Variants in VLDLR observed in about 807,000 individuals in gnomAD.
VLDLR encodes the protein very low density lipoprotein receptor.
VLDLR carries 81 observed loss-of-function variants against 112.7 expected under a neutral mutation model. The ratio of observed to expected loss-of-function variants is 0.72; its 90% CI spans 0.60 to 0.86. VLDLR has a LOEUF of 0.86. Among genes scored for constraint, VLDLR ranks in the 40% least tolerant of loss-of-function variants. VLDLR has a pLI of 0.00. For missense variants in VLDLR, 1,237 were observed against 1,099.4 expected, an observed-to-expected ratio of 1.13 and a Z score of -1.77; for synonymous variants, 436 against 384.8, an observed-to-expected ratio of 1.13 and a Z score of -1.56.
chr9:2,630,134 C>T (rs1277039861), intron 1 of VLDLR, among the ~76,000 whole-genome samples: 1 of 152,138 alleles, frequency 6.6e-6, no homozygotes. Flanking sequence ...GACTTTAAGG[C>T]CAGAGCACAA....
chr9:2,649,168 A>T (rs551416915), intron 14 of VLDLR, among the ~76,000 whole-genome samples: 2 of 152,116 alleles, frequency 1.3e-5, no homozygotes, highest in Non-Finnish European at 2.9e-5. Context: ...GATTTTTGCA[A>T]TGAAGTACCA....
In VLDLR at chr9:2,622,105, T is replaced by G; in HGVS notation, c.-85T>G. On this transcript the variant is annotated 5_prime_UTR_variant, in exon 1 of 19. Coordinates refer to ENST00000382100, the MANE Select transcript of VLDLR (RefSeq NM_003383.5). Reference sequence around the variant, plus strand: ...TTTCCCCTCCCCGCCCCCACCTTCTTCCTCCTTTCGGAAGGACTGGTAACT... The same window carrying G: ...TTTCCCCTCCCCGCCCCCACCTTCTGCCTCCTTTCGGAAGGACTGGTAACT... 7.4e-7 allele frequency: 1 copy of G among 1,342,516 alleles called. No homozygotes were observed. The highest frequency in any genetic ancestry group is 9.9e-7 in the Non-Finnish European group (1 of 1,012,494). The allele number at this position is 1,342,516 out of a possible 1,614,324, so 83.2% of individuals were successfully genotyped here.
At chr9:2,646,254 C>T in intron 10 of VLDLR, 80 bp from the exon 11 acceptor site, 4 of 1,397,748 alleles carry the variant, frequency 2.9e-6, no homozygotes, top group Admixed American at 1.7e-5. Flanking sequence ...AGTCATTGAC[C>T]ATTTTGTAAG....
At chr9:2,643,603 T>C in intron 5 of VLDLR, 25 bp from the exon 6 acceptor site, 1 of 1,614,208 alleles carries the variant, frequency 6.2e-7, no homozygotes, top group Non-Finnish European at 8.5e-7. Flanking sequence ...CTGGCTTCAT[T>C]CCATGGTGTT....
Position 2,651,419 on chromosome 9 carries a change from T to C in VLDLR, c.2256T>C (p.Thr752=), listed in dbSNP as rs1471842621. The C allele has an allele frequency of 1.2e-6, 2 of 1,613,746 alleles. No homozygotes were observed. Among genetic ancestry groups the C allele is most frequent in the African/African-American group, 2.7e-5 (2 of 74,902 alleles). ...TTCTTGGTTTTTATAATTCAGGTAC[T>C]GCAACTACTGTGACTTACAGTGAGA... The part of the protein sequence containing the change: ...VEENGRDCQS[T]ATTVTYSETK... Residue 752 remains threonine, a synonymous_variant, in exon 16 of 19, where the codon ACT becomes ACC. Transcript: ENST00000382100.
chr9:2,643,561 G>C (rs572591147), intron 5 of VLDLR, 30 bp downstream of exon 5: 4 of 1,614,198 alleles, frequency 2.5e-6, no homozygotes, highest in South Asian at 1.1e-5. Flanking sequence ...GGCATGTTCA[G>C]TTCTCTTCCC....
chr9:2,658,311 C>T lies in VLDLR; in HGVS notation c.*4443C>T, dbSNP rs1877480. ...TATCATGTCTCCTGAGTCCGTTTCA[C>T]GTTTTTGAGCCTGGCTAATGAGAAA... On this transcript the variant is annotated 3_prime_UTR_variant, in exon 19 of 19. Transcript: ENST00000382100. 0.19 allele frequency: 28,538 copies of T among 152,134 alleles called. 3,001 individuals are homozygous for T. Among genetic ancestry groups the T allele is most frequent in the South Asian group, 0.27 (1,319 of 4,822 alleles). 9.4% of individuals were successfully genotyped at this position (152,134 alleles called of 1,614,324 possible). A position where few individuals can be genotyped will look rare whatever the true frequency, so the allele number is the denominator to read the frequency against.
At chr9:2,651,336 T>C in intron 15 of VLDLR, 79 bp from the exon 16 acceptor site, 1 of 1,263,478 alleles carries the variant, frequency 7.9e-7, no homozygotes, top group Non-Finnish European at 1.1e-6. Flanking sequence ...AAATAACCTT[T>C]TACATGGCTT....
intron 7 of VLDLR, 96 bp from the exon 8 acceptor site, chr9:2,644,638 C>T: frequency 2.6e-6 from 4 of 1,556,170 alleles, no homozygotes; most frequent in Non-Finnish European, 2.6e-6. Context: ...TTTGACCAGG[C>T]CAACTAGATA....
intron 14 of VLDLR, 48 bp downstream of exon 14, chr9:2,648,858 C>G: frequency 3.7e-6 from 6 of 1,612,210 alleles, no homozygotes; most frequent in Non-Finnish European, 5.1e-6. Flanking sequence ...AGGGAAGCAG[C>G]ATGACACAGA....
rs1340577042 is a variant in VLDLR at position 2,657,204 on chromosome 9, C to T, written c.*3336C>T. On this transcript the variant is annotated 3_prime_UTR_variant, in exon 19 of 19. Transcript: ENST00000382100. ...CACTTATCTCTATTACGTAATCTAA[C>T]TGGAATAATTTCCTAGAATTCTTAC... 2 of 152,152 alleles carry T rather than the reference C, an allele frequency of 1.3e-5. No homozygotes were observed. The highest frequency in any genetic ancestry group is 2.9e-5 in the Non-Finnish European group (2 of 68,026). The allele number at this position is 152,152 out of a possible 1,614,324, so 9.4% of individuals were successfully genotyped here.
At chr9:2,638,754 A>G (rs1817704905) in intron 2 of VLDLR, among the ~76,000 whole-genome samples, 1 of 152,192 alleles carries the variant, frequency 6.6e-6, no homozygotes. Flanking sequence ...AGTATAGGGG[A>G]AAGACCTGCC....
At chr9:2,637,230 C>A (rs1175405689) in intron 2 of VLDLR, among the ~76,000 whole-genome samples, 1 of 152,150 alleles carries the variant, frequency 6.6e-6, no homozygotes, top group Non-Finnish European at 1.5e-5. Context: ...CTTAAAACTT[C>A]CAAAGCTGCC....
intron 1 of VLDLR, among the ~76,000 whole-genome samples, chr9:2,627,720 C>G (rs530587207): frequency 6.6e-6 from 1 of 152,108 alleles, no homozygotes; most frequent in South Asian, 2.1e-4. Context: ...AAAAAATTAG[C>G]TGGGTGTGGT....
At position 2,622,213 on chromosome 9, in the gene VLDLR, G is replaced by A. The variant is rs34336270; in HGVS notation, c.24G>A (p.Ala8=). The A allele has an allele frequency of 5.6e-3, 8,391 of 1,503,678 alleles. 194 individuals are homozygous for A. In the African/African-American group the frequency reaches 0.071, roughly 13 times the overall value. 93.1% of individuals were successfully genotyped at this position (1,503,678 alleles called of 1,614,324 possible). MGTSALW[A]LWLLLALCWA... is the part of the protein sequence containing the mutation. ...CCATGGGCACGTCCGCGCTCTGGGC[G>A]CTCTGGCTGCTGCTCGCGCTGTGCT... Residue 8 remains alanine (A), a synonymous_variant, in exon 1 of 19, where the codon GCG becomes GCA. Transcript: ENST00000382100.
intron 1 of VLDLR, among the ~76,000 whole-genome samples, chr9:2,622,547 C>G (rs7856686): frequency 6.6e-6 from 1 of 152,110 alleles, no homozygotes; most frequent in Non-Finnish European, 1.5e-5. Flanking sequence ...GCCGCTGCTT[C>G]GCCTCGTTTC....
At chr9:2,645,130 G>C in intron 9 of VLDLR, 48 bp downstream of exon 9, 1 of 1,613,110 alleles carries the variant, frequency 6.2e-7, no homozygotes, top group Non-Finnish European at 8.5e-7. Context: ...ATGAGTAAGT[G>C]CCTCTAAAAG....
intron 1 of VLDLR, among the ~76,000 whole-genome samples, chr9:2,629,634 C>T (rs766755306): frequency 1.3e-5 from 2 of 152,140 alleles, no homozygotes; most frequent in African/African-American, 4.8e-5. Flanking sequence ...ACAACAAAAA[C>T]GATTTGATTA....
In VLDLR at chr9:2,635,474, C is replaced by G. The variant is rs113809568; in HGVS notation, c.104C>G (p.Pro35Arg). ...CTAGGGAGAAAAGCCAAATGTGAAC[C>G]CTCCCAATTCCAGTGCACAAATGGT... ...TGTGRKAKCE[P>R]SQFQCTNGRC... is the part of the protein sequence containing the mutation. The change falls in exon 2 of 19, where the codon CCC (proline) becomes CGC (arginine). Residue 35 changes from proline to arginine, a missense_variant. Physicochemically the swap from Pro to Arg is moderately radical, Grantham distance 103 (BLOSUM62 -2). Transcript: ENST00000382100. The G allele has an allele frequency of 6.2e-7, 1 of 1,613,890 alleles. No individual in the cohort carries two copies. The highest frequency in any genetic ancestry group is 8.5e-7 in the Non-Finnish European group (1 of 1,179,974).
Sources: gnomAD v4.1 joint callset for allele counts (sites outside exome capture counted in the v4.1 genomes callset) on GRCh38, gnomAD v4.1.1 for gene constraint, MANE v1.5 for transcripts, NCBI Gene and HGNC (gene_info 2026-07-23, HGNC 2026-07-21) for gene names.